The following ZDHHC14 variants were observed in gnomAD, a reference collection of about 807,000 sequenced individuals.
ZDHHC14 encodes the protein zDHHC palmitoyltransferase 14.
ZDHHC14 carries 16 observed loss-of-function variants against 47.7 expected under a neutral mutation model. The ratio of observed to expected loss-of-function variants is 0.34; its 90% CI spans 0.23 to 0.51. The LOEUF is 0.51. Ranked by LOEUF, ZDHHC14 falls within the 20% of genes least tolerant of loss-of-function variation. The probability of loss-of-function intolerance (pLI) is 0.97; values close to 1 mark genes in which losing one functional copy is unlikely to be tolerated. For synonymous variants in ZDHHC14, 293 were observed against 278.9 expected, an observed-to-expected ratio of 1.05 and a Z score of -0.50; for missense variants, 515 against 662.5, an observed-to-expected ratio of 0.78 and a Z score of 2.44.
intron 1 of ZDHHC14, among the ~76,000 whole-genome samples, chr6:157,466,204 T>G (rs1333692961): frequency 6.6e-6 from 1 of 152,174 alleles, no homozygotes; most frequent in Non-Finnish European, 1.5e-5. Context: ...TGGCTTGCTG[T>G]GATGCTGGCT....
intron 1 of ZDHHC14, among the ~76,000 whole-genome samples, chr6:157,535,152 A>G (rs34964808): frequency 0.6 from 91,809 of 151,968 alleles, 28,975 homozygotes; most frequent in African/African-American, 0.8. Flanking sequence ...CCCCACGGGC[A>G]GAAGAGAGCA....
At chr6:157,577,251 A>T (rs186362293) in intron 2 of ZDHHC14, among the ~76,000 whole-genome samples, 1 of 152,242 alleles carries the variant, frequency 6.6e-6, no homozygotes, top group East Asian at 1.9e-4. Context: ...CATTTTCTTC[A>T]TCCACTCTAC....
At chr6:157,532,345 A>G (rs1781395179) in intron 1 of ZDHHC14, among the ~76,000 whole-genome samples, 1 of 152,254 alleles carries the variant, frequency 6.6e-6, no homozygotes, top group African/African-American at 2.4e-5. Context: ...CTCACTGATG[A>G]GCTATCCAGC....
intron 1 of ZDHHC14, among the ~76,000 whole-genome samples, chr6:157,396,799 T>A (rs953429684): frequency 6.6e-6 from 1 of 152,254 alleles, no homozygotes; most frequent in Non-Finnish European, 1.5e-5. Context: ...ATAACATTAT[T>A]ACTTAGGATT....
intron 1 of ZDHHC14, among the ~76,000 whole-genome samples, chr6:157,522,749 C>T (rs28454377): frequency 5.4e-3 from 134 of 25,046 alleles, no homozygotes; most frequent in Admixed American, 6.7e-3. Flanking sequence ...CCCTCCCTTT[C>T]TTCCTCCCTC....
At chr6:157,476,254 G>A (rs150778501) in intron 1 of ZDHHC14, among the ~76,000 whole-genome samples, 8,836 of 152,132 alleles carry the variant, frequency 0.058, 875 homozygotes, top group African/African-American at 0.2. Context: ...CATCTGATAC[G>A]ATTAAAAATA....
At chr6:157,598,180 G>A (rs1483501630) in intron 3 of ZDHHC14, among the ~76,000 whole-genome samples, 4 of 152,210 alleles carry the variant, frequency 2.6e-5, no homozygotes, top group African/African-American at 9.7e-5. Context: ...CTTCACAGTT[G>A]TACATTAAGA....
chr6:157,639,018 A>G (rs1429536555), intron 5 of ZDHHC14, among the ~76,000 whole-genome samples: 1 of 152,128 alleles, frequency 6.6e-6, no homozygotes, highest in Non-Finnish European at 1.5e-5. Flanking sequence ...GTGCCCACGC[A>G]CTCCACATTG....
intron 1 of ZDHHC14, among the ~76,000 whole-genome samples, chr6:157,491,371 G>T (rs375502343): frequency 2.0e-5 from 3 of 152,322 alleles, no homozygotes; most frequent in East Asian, 1.9e-4. Context: ...CCAAAGGCAG[G>T]AACTACATTG....
At chr6:157,447,662 G>C (rs1778710653) in intron 1 of ZDHHC14, among the ~76,000 whole-genome samples, 1 of 152,206 alleles carries the variant, frequency 6.6e-6, no homozygotes, top group African/African-American at 2.4e-5. Flanking sequence ...TCCTGAATCG[G>C]AAGTTGTCCT....
chr6:157,593,607 G>A (rs904787206), intron 3 of ZDHHC14, among the ~76,000 whole-genome samples: 1 of 152,204 alleles, frequency 6.6e-6, no homozygotes, highest in South Asian at 2.1e-4. Flanking sequence ...GCTGGAGTTA[G>A]GATCTGTATT....
At chr6:157,538,596 CA>C (rs1205732742) in intron 1 of ZDHHC14, among the ~76,000 whole-genome samples, 2 of 152,198 alleles carry the variant, frequency 1.3e-5, no homozygotes, top group Non-Finnish European at 2.9e-5. Flanking sequence ...GAACAGGAGC[CA>C]GTCTCACCCT....
chr6:157,408,941 G>A (rs924823931), intron 1 of ZDHHC14, among the ~76,000 whole-genome samples: 3 of 152,210 alleles, frequency 2.0e-5, no homozygotes, highest in South Asian at 2.1e-4. Context: ...TTGTTCTTGG[G>A]GCCTCACATG....
intron 1 of ZDHHC14, among the ~76,000 whole-genome samples, chr6:157,396,119 T>TG (rs1438120254): frequency 6.6e-6 from 1 of 152,088 alleles, no homozygotes; most frequent in African/African-American, 2.4e-5. Flanking sequence ...GGACACCTTT[T>TG]TGACACTGTC....
intron 1 of ZDHHC14, among the ~76,000 whole-genome samples, chr6:157,409,175 G>T (rs954470367): frequency 6.6e-6 from 1 of 152,202 alleles, no homozygotes; most frequent in Non-Finnish European, 1.5e-5. Context: ...ATCTTCTGTT[G>T]CTGAGGGAGA....
chr6:157,540,421 G>A (rs1036141415), intron 1 of ZDHHC14, among the ~76,000 whole-genome samples: 4 of 152,168 alleles, frequency 2.6e-5, no homozygotes, highest in East Asian at 1.9e-4. Flanking sequence ...ACCAAGCTGC[G>A]TCTCAGACCC....
At chr6:157,623,034 G>A (rs1294608323) in intron 3 of ZDHHC14, among the ~76,000 whole-genome samples, 1 of 152,134 alleles carries the variant, frequency 6.6e-6, no homozygotes, top group Non-Finnish European at 1.5e-5. Context: ...CAGAGGCATG[G>A]CCAGGATCCC....
intron 1 of ZDHHC14, among the ~76,000 whole-genome samples, chr6:157,512,316 T>C (rs544172222): frequency 6.6e-6 from 1 of 152,316 alleles, no homozygotes; most frequent in African/African-American, 2.4e-5. Context: ...TGACTTGCCC[T>C]CCTCAGAAGC....
intron 5 of ZDHHC14, among the ~76,000 whole-genome samples, chr6:157,640,217 G>A (rs1777184244): frequency 6.6e-6 from 1 of 152,224 alleles, no homozygotes; most frequent in African/African-American, 2.4e-5. Flanking sequence ...AGGGATTACA[G>A]CCATTTTTAA....
Sources: gnomAD v4.1 joint callset for allele counts (sites outside exome capture counted in the v4.1 genomes callset) on GRCh38, gnomAD v4.1.1 for gene constraint, MANE v1.5 for transcripts, NCBI Gene and HGNC (gene_info 2026-07-23, HGNC 2026-07-21) for gene names.